GPR89B: variants seen among roughly 807,000 people sequenced by gnomAD.
The protein encoded by GPR89B is golgi pH regulator B.
A neutral mutation model predicts 52.4 loss-of-function variants in GPR89B; 25 were observed. The observed-to-expected ratio is 0.48, with a 90% CI of 0.35 to 0.67. GPR89B has a LOEUF of 0.67. Ranked by LOEUF, GPR89B falls within the 30% of genes least tolerant of loss-of-function variation. The probability of loss-of-function intolerance (pLI) is 0.01; values close to 1 mark genes in which losing one functional copy is unlikely to be tolerated. For synonymous variants in GPR89B, 52 were observed against 151.2 expected (o/e 0.34, Z 4.81); for missense variants, 146 against 450.2 (o/e 0.32, Z 6.11).
intron 10 of GPR89B, among the ~76,000 whole-genome samples, chr1:147,980,814 G>A (rs1220058238): frequency 1.8e-4 from 15 of 85,462 alleles, no homozygotes; most frequent in Non-Finnish European, 2.4e-4. Context: ...GCGAGACTCC[G>A]TCTCAAAAAA....
In GPR89B at chr1:147,949,112, G is replaced by T. The variant is rs182474164; in HGVS notation, c.416-4233G>T. ...CGATCAACAGGATCACAAGGCAGAA[G>T]AATTTTTCTTAGTACAGAACAAAAT... On this transcript the variant is annotated intron_variant, in intron 5 of 13. Transcript: ENST00000314163. Among the ~76,000 whole-genome samples the T allele has an allele frequency of 5.4e-3, 822 of 152,206 alleles. 9 individuals carry two copies. Among genetic ancestry groups the T allele is most frequent in the African/African-American group, 0.019 (778 of 41,528 alleles).
At chr1:147,995,532 C>G (rs1659296351), downstream of GPR89B, 4 of 1,546,142 alleles carry the variant, frequency 2.6e-6, no homozygotes, top group Non-Finnish European at 3.6e-6. Flanking sequence ...ATTAAATATA[C>G]TCATAGGGAC....
intron 10 of GPR89B, among the ~76,000 whole-genome samples, chr1:147,976,018 A>G (rs1657801444): frequency 6.6e-6 from 1 of 152,268 alleles, no homozygotes; most frequent in Admixed American, 6.5e-5. Context: ...GTGGTCTGAG[A>G]GACTGTTATA....
intron 12 of GPR89B, among the ~76,000 whole-genome samples, chr1:147,990,235 T>C (rs1658961463): frequency 6.6e-6 from 1 of 152,244 alleles, no homozygotes. Flanking sequence ...CATTTTTCCA[T>C]GTGTCTGTTG....
At chr1:147,981,436 T>C (rs1658245839) in intron 10 of GPR89B, among the ~76,000 whole-genome samples, 1 of 145,588 alleles carries the variant, frequency 6.9e-6, no homozygotes. Context: ...CCTGGGAAGT[T>C]GAAGCTGCAG....
chr1:147,936,927 T>C (rs1553248047), intron 2 of GPR89B, among the ~76,000 whole-genome samples: 7 of 152,104 alleles, frequency 4.6e-5, no homozygotes, highest in Non-Finnish European at 4.4e-5. Flanking sequence ...CATATCAGGA[T>C]ATGTACCAAT....
chr1:147,958,496 G>T (rs1443268910), intron 7 of GPR89B, among the ~76,000 whole-genome samples: 10 of 124,218 alleles, frequency 8.1e-5, no homozygotes, highest in African/African-American at 3.4e-4. Flanking sequence ...AAAATTATCT[G>T]GGCATAGTGG....
the GPR89B span, among the ~76,000 whole-genome samples, chr1:148,019,612 GA>G: frequency 6.6e-6 from 1 of 151,936 alleles, no homozygotes; most frequent in Non-Finnish European, 1.5e-5. Context: ...ATGTAAAAAG[GA>G]AAGAAAATAA....
At chr1:148,011,559 CT>C in the GPR89B span, 1 of 152,306 alleles carries the variant, frequency 6.6e-6, no homozygotes, top group Non-Finnish European at 1.5e-5. Flanking sequence ...CAGGGAGACT[CT>C]TCGTGAGTCG....
intron 12 of GPR89B, among the ~76,000 whole-genome samples, chr1:147,991,155 G>A (rs1172909865): frequency 2.7e-5 from 4 of 150,906 alleles, no homozygotes; most frequent in African/African-American, 9.8e-5. Flanking sequence ...CCTTGAAGAG[G>A]TCCTTCACAT....
At chr1:147,932,027 A>C (rs1294797852) in intron 1 of GPR89B, among the ~76,000 whole-genome samples, 1 of 152,004 alleles carries the variant, frequency 6.6e-6, no homozygotes, top group Non-Finnish European at 1.5e-5. Flanking sequence ...CCCACCATAT[A>C]AACTTAAAAT....
intron 12 of GPR89B, among the ~76,000 whole-genome samples, chr1:147,989,569 T>C (rs1452969254): frequency 1.3e-5 from 2 of 152,140 alleles, no homozygotes; most frequent in African/African-American, 4.8e-5. Flanking sequence ...CTCCTAATGC[T>C]GTCCCTCCCC....
the GPR89B span, among the ~76,000 whole-genome samples, chr1:148,025,489 C>CTCCA: frequency 7.4e-6 from 1 of 135,882 alleles, no homozygotes; most frequent in Non-Finnish European, 1.5e-5. Context: ...TGCCACTGCA[C>CTCCA]TCCAGCCTGG....
intron 5 of GPR89B, among the ~76,000 whole-genome samples, chr1:147,945,983 C>T (rs1654940629): frequency 6.6e-6 from 1 of 152,114 alleles, no homozygotes; most frequent in Non-Finnish European, 1.5e-5. Context: ...ACCTCAGCTT[C>T]CCAAAGTGCT....
chr1:147,956,634 C>G (rs1258118556), intron 7 of GPR89B, among the ~76,000 whole-genome samples: 14 of 151,990 alleles, frequency 9.2e-5, no homozygotes, highest in Non-Finnish European at 1.3e-4. Context: ...AACTATACAA[C>G]ATTAATAGAA....
At chr1:148,025,155 C>G in the GPR89B span, among the ~76,000 whole-genome samples, 1 of 151,828 alleles carries the variant, frequency 6.6e-6, no homozygotes, top group Non-Finnish European at 1.5e-5. Context: ...TTCCTGGATG[C>G]ATGACTCAAG....
chr1:147,940,565 T>A (rs9438060), intron 3 of GPR89B, among the ~76,000 whole-genome samples: 141,618 of 152,176 alleles, frequency 0.93, 66,016 homozygotes, highest in East Asian at 1. Context: ...GGGTTGGCAG[T>A]CTTTCTTCTG....
At position 147,929,674 on chromosome 1, in the gene GPR89B, TAC is replaced by T. The variant is rs149352462; in HGVS notation, c.42+1097_42+1098del. 3.0e-3 allele frequency among the ~76,000 whole-genome samples: 462 copies of T among 152,338 alleles called. 1 individual carries two copies. Among genetic ancestry groups the T allele is most frequent in the African/African-American group, 0.011 (447 of 41,576 alleles). On this transcript the variant is annotated intron_variant, in intron 1 of 13. Transcript: ENST00000314163. The stretch of plus-strand genomic sequence containing the variant: ...CAGTTTTTGTATTGCTTCATCCTAA[TAC>T]TCGTCTCCGTAGAGCGGAGCATTGT...
the GPR89B span, among the ~76,000 whole-genome samples, chr1:148,019,123 C>T: frequency 1.3e-5 from 2 of 151,382 alleles, no homozygotes; most frequent in South Asian, 4.2e-4. Context: ...ACTATAGGCA[C>T]GCGCCACCAT....
Sources: allele counts gnomAD v4.1 joint callset (sites outside exome capture counted in the v4.1 genomes callset), GRCh38; gene constraint gnomAD v4.1.1; transcripts MANE v1.5; gene names NCBI Gene and HGNC (gene_info 2026-07-23, HGNC 2026-07-21).